The following FMO5 variants were observed in gnomAD, a reference collection of about 807,000 sequenced individuals.
The protein encoded by FMO5 is flavin-containing monooxygenase 5.
FMO5 carries 51 observed loss-of-function variants against 43.6 expected under a neutral mutation model. The observed-to-expected ratio is 1.17, with a 90% CI of 0.93 to 1.48. The LOEUF is 1.48. Ranked by LOEUF, FMO5 falls within the 40% of genes most tolerant of loss-of-function variation. The probability of loss-of-function intolerance (pLI) is 0.00; values close to 1 mark genes in which losing one functional copy is unlikely to be tolerated. For missense variants in FMO5, 644 were observed against 643.0 expected (o/e 1.00, Z -0.02); for synonymous variants, 187 against 216.5 (o/e 0.86, Z 1.20).
downstream of FMO5, among the ~76,000 whole-genome samples, chr1:147,185,193 G>A (rs55653839): frequency 0.037 from 5,583 of 151,520 alleles, 149 homozygotes; most frequent in South Asian, 0.095. Context: ...TTGTAACCTT[G>A]CATATAATAT....
chr1:147,212,500 G>A lies in FMO5; in HGVS notation c.523C>T (p.Arg175Ter), dbSNP rs587682197. 12 of 1,613,654 alleles carry A rather than the reference G, an allele frequency of 7.4e-6. No homozygotes were observed. Among genetic ancestry groups the A allele is most frequent in the African/African-American group, 4.0e-5 (3 of 75,012 alleles). ...AATCCCTCTGGGTTCTTATAGTCTCGACTGTGGAAGTACTGCCCTTTGAAC... is the reference window on the plus strand; with the variant it reads ...AATCCCTCTGGGTTCTTATAGTCTCAACTGTGGAAGTACTGCCCTTTGAAC... ...EKFKGQYFHS[R>*]DYKNPEGFTG... The change falls in exon 5 of 9, where the codon CGA becomes TGA. Residue 175 changes from arginine (R) to a stop codon, truncating the protein, a stop_gained. Coordinates refer to ENST00000254090, the MANE Select transcript of FMO5 (RefSeq NM_001461.4). LOFTEE classifies it high-confidence loss of function.
intron 5 of FMO5, among the ~76,000 whole-genome samples, chr1:147,209,392 C>G (rs954631051): frequency 1.4e-5 from 2 of 141,844 alleles, no homozygotes; most frequent in African/African-American, 5.3e-5. Flanking sequence ...GAGCCAAGAT[C>G]GCACCACTGC....
At chr1:147,226,975 G>T (rs181376082), upstream of FMO5, among the ~76,000 whole-genome samples, 7 of 151,916 alleles carry the variant, frequency 4.6e-5, no homozygotes, top group Admixed American at 2.0e-4. Context: ...GACTACAGCT[G>T]TGTGCCACCA....
chr1:147,193,135 G>A (rs1657229951), intron 7 of FMO5, among the ~76,000 whole-genome samples: 2 of 152,052 alleles, frequency 1.3e-5, no homozygotes. Flanking sequence ...AATCCATCTG[G>A]TCCTGGACTC....
chr1:147,187,444 C>T lies in FMO5; in HGVS notation c.1257-199G>A, dbSNP rs186091000. The stretch of plus-strand genomic sequence containing the variant: ...GGAGATAAGACAGATAAACATGAAG[C>T]GAGACTTCTGAGTGGTTTCAGACTG... On this transcript the variant is annotated intron_variant, in intron 8 of 8. Coordinates refer to ENST00000254090, the MANE Select transcript of FMO5 (RefSeq NM_001461.4). Among the ~76,000 whole-genome samples, 8 of 152,108 alleles carry T rather than the reference C, an allele frequency of 5.3e-5. No homozygotes were observed. The South Asian group carries it at 6.2e-4, about 12-fold the overall frequency.
At chr1:147,218,029 A>C (rs1662313861) in intron 2 of FMO5, among the ~76,000 whole-genome samples, 1 of 152,224 alleles carries the variant, frequency 6.6e-6, no homozygotes, top group Non-Finnish European at 1.5e-5. Flanking sequence ...TGCATAAGAA[A>C]ACTAATAAAA....
chr1:147,207,987 C>T (rs1182752610), intron 6 of FMO5, among the ~76,000 whole-genome samples: 2 of 152,272 alleles, frequency 1.3e-5, no homozygotes, highest in South Asian at 2.1e-4. Flanking sequence ...CTTTCTTCAG[C>T]CTCTCAGCTT....
At chr1:147,201,818 G>A (rs1351131891) in intron 6 of FMO5, among the ~76,000 whole-genome samples, 1 of 152,142 alleles carries the variant, frequency 6.6e-6, no homozygotes, top group African/African-American at 2.4e-5. Flanking sequence ...CAGGTCAATA[G>A]TTTGTATTCT....
chr1:147,223,978 A>G, intron 2 of FMO5: 2 of 409,400 alleles, frequency 4.9e-6, no homozygotes, highest in Non-Finnish European at 4.8e-6. Flanking sequence ...GGGTTAACAC[A>G]ATCACCACCT....
chr1:147,213,241 CT>C lies in FMO5; in HGVS notation c.487+66del, dbSNP rs1661377958. ...AGTAGGAATTACTCAGACCACAATC[CT>C]CCCATTCCTCAGGGGTCAGGTCACA... On this transcript the variant is annotated intron_variant, in intron 4 of 8. Coordinates refer to ENST00000254090, the MANE Select transcript of FMO5 (RefSeq NM_001461.4). 23 of 1,284,748 alleles carry C rather than the reference CT, an allele frequency of 1.8e-5. No individual in the cohort carries two copies. In the South Asian group the frequency reaches 3.9e-4, roughly 22 times the overall value. 79.6% of individuals were successfully genotyped at this position (1,284,748 alleles called of 1,614,324 possible).
At chr1:147,213,237 AATCCTCCC>A in intron 4 of FMO5, 63 bp downstream of exon 4, 6 of 1,270,114 alleles carry the variant, frequency 4.7e-6, no homozygotes, top group Non-Finnish European at 6.4e-6. Context: ...CTCAGACCAC[AATCCTCCC>A]ATTCCTCAGG....
At chr1:147,204,036 T>C in intron 6 of FMO5, 1 of 1,182,542 alleles carries the variant, frequency 8.5e-7, no homozygotes, top group East Asian at 2.3e-5. Context: ...TGAAGAGCCA[T>C]GTCTGCCACT....
At chr1:147,203,576 G>T in intron 6 of FMO5, 1 of 1,027,178 alleles carries the variant, frequency 9.7e-7, no homozygotes, top group Non-Finnish European at 1.6e-6. Flanking sequence ...GAGTATTTCT[G>T]CCAGTGCACG....
At chr1:147,195,515 T>C (rs1657834397) in intron 7 of FMO5, among the ~76,000 whole-genome samples, 1 of 151,950 alleles carries the variant, frequency 6.6e-6, no homozygotes, top group Admixed American at 6.6e-5. Context: ...TTGATAAGAG[T>C]AGGGGTTAAG....
chr1:147,222,203 T>G (rs1571430866), intron 2 of FMO5, among the ~76,000 whole-genome samples: 1 of 152,108 alleles, frequency 6.6e-6, no homozygotes, highest in Admixed American at 6.5e-5. Flanking sequence ...AACCCCATCT[T>G]TACTAAAAAT....
At chr1:147,210,680 A>C (rs1346004530) in intron 5 of FMO5, 1 of 152,234 alleles carries the variant, frequency 6.6e-6, no homozygotes, top group African/African-American at 2.4e-5. Context: ...AATAGTAATA[A>C]TAATAATACA....
intron 2 of FMO5, among the ~76,000 whole-genome samples, chr1:147,216,716 A>G (rs1190599546): frequency 2.0e-5 from 3 of 152,194 alleles, no homozygotes; most frequent in African/African-American, 7.2e-5. Context: ...CCTTACTACC[A>G]AAGTATGGTC....
At chr1:147,194,723 C>A (rs1245755807) in intron 7 of FMO5, among the ~76,000 whole-genome samples, 1 of 151,964 alleles carries the variant, frequency 6.6e-6, no homozygotes, top group Non-Finnish European at 1.5e-5. Flanking sequence ...AATCTCTCAG[C>A]ATTTGCTTGT....
intron 1 of FMO5, 32 bp from the exon 2 acceptor site, chr1:147,225,098 C>T (rs965938771): frequency 1.9e-6 from 3 of 1,609,050 alleles, no homozygotes; most frequent in Non-Finnish European, 8.5e-7. Context: ...ACAAAAAGCA[C>T]ACATCGGTTA....
Sources: allele counts gnomAD v4.1 joint callset (sites outside exome capture counted in the v4.1 genomes callset), GRCh38; gene constraint gnomAD v4.1.1; transcripts MANE v1.5; gene names NCBI Gene and HGNC (gene_info 2026-07-23, HGNC 2026-07-21).